SYBU: variants seen among roughly 807,000 people sequenced by gnomAD.
The protein encoded by SYBU is syntabulin.
A neutral mutation model predicts 35.9 loss-of-function variants in SYBU; 21 were observed. The observed-to-expected ratio is 0.58, with a 90% CI of 0.41 to 0.84. The LOEUF (loss-of-function observed/expected upper bound fraction) is 0.84. Among genes scored for constraint, SYBU ranks in the 40% least tolerant of loss-of-function variants. The pLI, the probability that SYBU is intolerant of heterozygous loss-of-function variation, is 0.00. For missense variants in SYBU, 768 were observed against 848.2 expected (o/e 0.91, Z 1.17); for synonymous variants, 319 against 324.3 (o/e 0.98, Z 0.18).
At chr8:109,627,153 G>T (rs1255547955) in intron 2 of SYBU, among the ~76,000 whole-genome samples, 3 of 77,418 alleles carry the variant, frequency 3.9e-5, no homozygotes, top group African/African-American at 1.4e-4. Flanking sequence ...TAATTTTTGT[G>T]GGGGGGAAGT....
At position 109,669,359 on chromosome 8, in the gene SYBU, A is replaced by C. The variant is rs1323224983; in HGVS notation, c.-129+11352T>G. ...TCCGTCAAAAAAAAAAAAAAAAAAA[A>C]AAAAAAAAACAACTGATCTATGAGT... On this transcript the variant is annotated intron_variant, in intron 1 of 5. Coordinates refer to the SYBU transcript ENST00000408889. Among the ~76,000 whole-genome samples the C allele has an allele frequency of 1.5e-4, 22 of 151,216 alleles. 1 individual carries two copies. The highest frequency in any genetic ancestry group is 8.6e-4 in the Admixed American group (13 of 15,174).
intron 3 of SYBU, among the ~76,000 whole-genome samples, chr8:109,589,633 T>C (rs1433533776): frequency 6.6e-6 from 1 of 152,242 alleles, no homozygotes; most frequent in African/African-American, 2.4e-5. Context: ...TTGAGAGATA[T>C]TCCTTTTATT....
intron 3 of SYBU, chr8:109,607,795 T>C (rs1826212282): frequency 1.9e-6 from 1 of 518,092 alleles, no homozygotes; most frequent in Non-Finnish European, 3.3e-6. Context: ...CATTTTGGCC[T>C]ACCACAACTA....
chr8:109,619,094 G>T, intron 2 of SYBU, 55 bp from the exon 3 acceptor site: 3 of 1,419,772 alleles, frequency 2.1e-6, no homozygotes, highest in Non-Finnish European at 9.9e-7. Flanking sequence ...CAATGATGGT[G>T]AGAAGCCATG....
At chr8:109,606,744 G>C (rs1586811400) in intron 3 of SYBU, among the ~76,000 whole-genome samples, 1 of 152,106 alleles carries the variant, frequency 6.6e-6, no homozygotes, top group African/African-American at 2.4e-5. Flanking sequence ...GTAGTCCTTG[G>C]TACATTCACA....
At chr8:109,689,870 G>T (rs1817607702) in intron 1 of SYBU, among the ~76,000 whole-genome samples, 1 of 141,200 alleles carries the variant, frequency 7.1e-6, no homozygotes, top group Non-Finnish European at 1.5e-5. Flanking sequence ...GACTATTAGA[G>T]ACAGCTGGTT....
upstream of SYBU, among the ~76,000 whole-genome samples, chr8:109,648,314 A>T (rs925256229): frequency 6.8e-6 from 1 of 148,036 alleles, no homozygotes; most frequent in Non-Finnish European, 1.5e-5. Context: ...CAGGAGAGAT[A>T]GGGTATTGTA....
chr8:109,657,929 T>G (rs977274793), intron 1 of SYBU, among the ~76,000 whole-genome samples: 2 of 152,222 alleles, frequency 1.3e-5, no homozygotes, highest in Admixed American at 6.5e-5. Flanking sequence ...GTGGTGCACA[T>G]GATTTGAATA....
At chr8:109,685,806 T>C (rs992884830), upstream of SYBU, among the ~76,000 whole-genome samples, 1 of 152,178 alleles carries the variant, frequency 6.6e-6, no homozygotes, top group Non-Finnish European at 1.5e-5. Context: ...ATGTCCAAAG[T>C]ATCTATTGTA....
chr8:109,688,640 C>CTTT (rs60532150), intron 1 of SYBU, among the ~76,000 whole-genome samples: 14 of 151,014 alleles, frequency 9.3e-5, no homozygotes, highest in Non-Finnish European at 1.8e-4. Context: ...CAGTTTTGTT[C>CTTT]TTTTTTTTTC....
chr8:109,669,375 A>T (rs1816892411), intron 1 of SYBU, among the ~76,000 whole-genome samples: 1 of 143,836 alleles, frequency 7.0e-6, no homozygotes, highest in Non-Finnish European at 1.5e-5. Context: ...AAAACAACTG[A>T]TCTATGAGTT....
At chr8:109,598,344 G>A (rs1338461370) in intron 3 of SYBU, among the ~76,000 whole-genome samples, 3 of 152,230 alleles carry the variant, frequency 2.0e-5, no homozygotes, top group Non-Finnish European at 4.4e-5. Flanking sequence ...CATGCTGCAT[G>A]TAATTGACAA....
upstream of SYBU, chr8:109,647,503 C>T (rs1370819160): frequency 6.6e-6 from 1 of 152,210 alleles, no homozygotes; most frequent in Non-Finnish European, 1.5e-5. Context: ...TTATGATCTC[C>T]TCAGAATTCC....
chr8:109,604,343 T>C (rs780649010), intron 3 of SYBU, among the ~76,000 whole-genome samples: 2 of 152,174 alleles, frequency 1.3e-5, no homozygotes, highest in Non-Finnish European at 2.9e-5. Context: ...TTGCATTACT[T>C]TTCCTGGGAC....
intron 1 of SYBU, among the ~76,000 whole-genome samples, chr8:109,658,965 AG>A (rs1273027135): frequency 6.6e-6 from 1 of 151,550 alleles, no homozygotes; most frequent in Non-Finnish European, 1.5e-5. Flanking sequence ...AAAAAAAAAA[AG>A]AAAGAAAGCA....
At position 109,578,004 on chromosome 8, in the gene SYBU, A is replaced by G. The variant is rs1416313401; in HGVS notation, c.748T>C (p.Tyr250His). Reference sequence around the variant, plus strand: ...CCATGATTTTCACCGCAAGACATGTACCTTCCAGAACGCCTGAAACAATCC... The same window carrying G: ...CCATGATTTTCACCGCAAGACATGTGCCTTCCAGAACGCCTGAAACAATCC... Reference protein sequence around the residue: ...CSPIMRRSGRYMSCGENHGVR... With the variant: ...CSPIMRRSGRHMSCGENHGVR... Residue 250 changes from tyrosine to histidine, a missense_variant, in exon 6 of 7, where the codon TAC becomes CAC. Tyr to His is a moderately conservative substitution (Grantham distance 83). Transcript: ENST00000276646. 1 of 1,607,670 alleles carries G rather than the reference A, an allele frequency of 6.2e-7. No individual in the cohort carries two copies. Among genetic ancestry groups the G allele is most frequent in the Admixed American group, 1.7e-5 (1 of 58,352 alleles).
intron 6 of SYBU, 31 bp from the exon 7 acceptor site, chr8:109,576,044 A>T (rs1237382639): frequency 3.0e-5 from 9 of 300,062 alleles, no homozygotes; most frequent in East Asian, 3.4e-4. Flanking sequence ...TGGTTAATTA[A>T]AAAAAAAAAA....
chr8:109,657,366 A>G (rs571200230), intron 1 of SYBU, among the ~76,000 whole-genome samples: 1 of 152,300 alleles, frequency 6.6e-6, no homozygotes, highest in African/African-American at 2.4e-5. Flanking sequence ...TTCCTTTTAA[A>G]TCAGAAAGAA....
chr8:109,617,939 A>G (rs904305750), intron 3 of SYBU, among the ~76,000 whole-genome samples: 5 of 152,258 alleles, frequency 3.3e-5, no homozygotes, highest in African/African-American at 1.2e-4. Context: ...CCTATGGAAG[A>G]GGACACAGGG....
Sources: allele counts gnomAD v4.1 joint callset (sites outside exome capture counted in the v4.1 genomes callset), GRCh38; gene constraint gnomAD v4.1.1; transcripts MANE v1.5; gene names NCBI Gene and HGNC (gene_info 2026-07-23, HGNC 2026-07-21).